CD36: variants seen among roughly 807,000 people sequenced by gnomAD.
CD36 encodes the protein CD36 molecule (CD36 blood group).
A neutral mutation model predicts 55.2 loss-of-function variants in CD36; 119 were observed. The observed-to-expected ratio is 2.15, with a 90% confidence interval of 1.86 to 2.51. The LOEUF (loss-of-function observed/expected upper bound fraction) is 2.51. CD36 is among the 30% of genes most tolerant of loss of function. The pLI, the probability that CD36 is intolerant of heterozygous loss-of-function variation, is 0.00. For missense variants in CD36, 819 were observed against 555.5 expected, an observed-to-expected ratio of 1.47 and a Z score of -4.77; for synonymous variants, 186 against 193.6, an observed-to-expected ratio of 0.96 and a Z score of 0.33.
At chr7:80,618,122 C>T (rs1233353477) in intron 1 of CD36, among the ~76,000 whole-genome samples, 3 of 151,996 alleles carry the variant, frequency 2.0e-5, no homozygotes, top group Non-Finnish European at 2.9e-5. Flanking sequence ...TATATTTAGA[C>T]CCTGCATTCA....
chr7:80,670,311 G>A (rs1232446392), intron 9 of CD36: 2 of 413,702 alleles, frequency 4.8e-6, no homozygotes, highest in South Asian at 2.2e-5. Flanking sequence ...AGAAGATGAT[G>A]CAAATGTAAC....
chr7:80,645,267 G>T (rs925387964), intron 1 of CD36, among the ~76,000 whole-genome samples: 1 of 150,766 alleles, frequency 6.6e-6, no homozygotes, highest in African/African-American at 2.4e-5. Flanking sequence ...TGATCCACCC[G>T]CCTCAGCCTT....
At position 80,672,767 on chromosome 7, in the gene CD36, T is replaced by G. The variant is rs995362799; in HGVS notation, c.1126-3T>G. The G allele has an allele frequency of 5.6e-6, 9 of 1,599,630 alleles. No homozygotes were observed. The highest frequency in any genetic ancestry group is 3.6e-4 in the Middle Eastern group (2 of 5,606). On this transcript the variant is annotated splice_region_variant and splice_polypyrimidine_tract_variant and intron_variant, in intron 11 of 14. Transcript: ENST00000447544. ...GGTAATTATTTAGTTGTTCTCTTTT[T>G]AGATAACTGGATTCACTTTACAATT...
At chr7:80,619,545 G>T in intron 1 of CD36, among the ~76,000 whole-genome samples, 1 of 151,570 alleles carries the variant, frequency 6.6e-6, no homozygotes, top group East Asian at 2.0e-4. Flanking sequence ...TACTCGAGAG[G>T]CTGAGGCAGG....
In CD36 at chr7:80,615,501, CT is replaced by C. The variant is rs557144205; in HGVS notation, c.-184+13124del. ...TCTGCTTCTATTGCCCTTTTTCCAT[CT>C]TCTGTGATTAGAAAATATCTATTCA... On this transcript the variant is annotated intron_variant, in intron 1 of 13. Coordinates refer to the CD36 transcript ENST00000309881. Among the ~76,000 whole-genome samples, 814 of 152,216 alleles carry C rather than the reference CT, an allele frequency of 5.3e-3. 2 individuals carry two copies. Among genetic ancestry groups the C allele is most frequent in the African/African-American group, 0.018 (760 of 41,532 alleles).
chr7:80,634,462 A>C (rs1794267906), upstream of CD36, among the ~76,000 whole-genome samples: 1 of 152,128 alleles, frequency 6.6e-6, no homozygotes, highest in African/African-American at 2.4e-5. Context: ...TACATTTTAA[A>C]GTTTAAATCT....
chr7:80,632,085 C>T (rs1270319660), intron 1 of CD36, among the ~76,000 whole-genome samples: 7 of 151,500 alleles, frequency 4.6e-5, no homozygotes, highest in South Asian at 2.1e-4. Flanking sequence ...CAAAACCTTC[C>T]CTTAAGGTTT....
upstream of CD36, among the ~76,000 whole-genome samples, chr7:80,635,954 T>C (rs1370728563): frequency 6.6e-6 from 1 of 152,080 alleles, no homozygotes; most frequent in African/African-American, 2.4e-5. Context: ...AGGGGTTCAG[T>C]GGTGAATTAA....
chr7:80,603,806 A>G (rs1159304383), intron 1 of CD36, among the ~76,000 whole-genome samples: 1 of 151,560 alleles, frequency 6.6e-6, no homozygotes, highest in Admixed American at 6.6e-5. Context: ...ACTGCTGAGA[A>G]ATGATTGAAA....
At chr7:80,612,061 G>A (rs1792904084) in intron 1 of CD36, among the ~76,000 whole-genome samples, 1 of 152,222 alleles carries the variant, frequency 6.6e-6, no homozygotes, top group African/African-American at 2.4e-5. Flanking sequence ...GCAAGACCTA[G>A]CTAATAATAT....
chr7:80,657,855 T>C (rs1291318521), intron 4 of CD36, among the ~76,000 whole-genome samples: 1 of 152,236 alleles, frequency 6.6e-6, no homozygotes, highest in Non-Finnish European at 1.5e-5. Flanking sequence ...TCACAAAGTT[T>C]TGTATTTCTA....
chr7:80,665,126 A>C (rs1403551545), intron 7 of CD36, among the ~76,000 whole-genome samples: 2 of 152,148 alleles, frequency 1.3e-5, no homozygotes, highest in Admixed American at 6.5e-5. Flanking sequence ...ATGTAAATAC[A>C]AAATGTGAAA....
chr7:80,616,441 G>T (rs1793158821), intron 1 of CD36, among the ~76,000 whole-genome samples: 1 of 122,794 alleles, frequency 8.1e-6, no homozygotes, highest in Non-Finnish European at 1.7e-5. Flanking sequence ...GTGTGTGTGT[G>T]TGTGTGTGCC....
intron 14 of CD36, among the ~76,000 whole-genome samples, chr7:80,674,632 T>A (rs1240479278): frequency 6.6e-6 from 1 of 152,082 alleles, no homozygotes; most frequent in Non-Finnish European, 1.5e-5. Flanking sequence ...TAGAACCAAG[T>A]ACTCAGAGTG....
intron 1 of CD36, among the ~76,000 whole-genome samples, chr7:80,615,083 C>A (rs1300907070): frequency 6.6e-6 from 1 of 152,110 alleles, no homozygotes; most frequent in African/African-American, 2.4e-5. Context: ...CCACTACAAA[C>A]TGCAAGCACA....
Position 80,661,184 on chromosome 7 carries a change from T to C in CD36, c.403T>C (p.Phe135Leu), listed in dbSNP as rs140968958. 2.4e-4 allele frequency: 391 copies of C among 1,613,930 alleles called. No individual in the cohort carries two copies. The highest frequency in any genetic ancestry group is 3.3e-4 in the Middle Eastern group (2 of 6,082). Residue 135 changes from phenylalanine to leucine, a missense_variant, in exon 5 of 15, where the codon TTC (phenylalanine) becomes CTC (leucine). By Grantham distance (22) the Phe-to-Leu change is conservative. Coordinates refer to ENST00000447544, the MANE Select transcript of CD36 (RefSeq NM_001001548.3). ...ATCAGTTGGAACAGAGGCTGACAAC[T>C]TCACAGTTCTCAATCTGGCTGTGGC... Reference protein sequence around the residue: ...SLSVGTEADNFTVLNLAVAAA... With the variant: ...SLSVGTEADNLTVLNLAVAAA...
intron 14 of CD36, chr7:80,674,560 TC>T (rs1204210570): frequency 4.2e-6 from 1 of 239,138 alleles, no homozygotes; most frequent in Non-Finnish European, 8.2e-6. Flanking sequence ...TCCAGAAAAG[TC>T]CTGAACAAAA....
In CD36 at chr7:80,656,581, G is replaced by C. The variant is rs534577878; in HGVS notation, c.162G>C (p.Trp54Cys). ...LEEGTIAFKN[W>C]VKTGTEVYRQ... is the part of the protein sequence containing the mutation. Reference sequence around the variant, plus strand: ...AAGGTACAATTGCTTTTAAAAATTGGGTTAAAACAGGCACAGAAGTTTACA... The same window carrying C: ...AAGGTACAATTGCTTTTAAAAATTGCGTTAAAACAGGCACAGAAGTTTACA... The change falls in exon 4 of 15, where the codon TGG (tryptophan) becomes TGC (cysteine). Residue 54 changes from tryptophan to cysteine, a missense_variant. Trp to Cys is a radical substitution (Grantham distance 215). Transcript: ENST00000447544. 1 of 1,613,646 alleles carries C rather than the reference G, an allele frequency of 6.2e-7. No individual in the cohort carries two copies. Among genetic ancestry groups the C allele is most frequent in the African/African-American group, 1.3e-5 (1 of 74,994 alleles).
chr7:80,675,958 G>C (rs1457189102), intron 14 of CD36: 1 of 128,920 alleles, frequency 7.8e-6, no homozygotes, highest in Non-Finnish European at 1.8e-5. Flanking sequence ...GTGTGTGCTT[G>C]TCTTGAAGCA....
Sources: gnomAD v4.1 joint callset for allele counts (sites outside exome capture counted in the v4.1 genomes callset) on GRCh38, gnomAD v4.1.1 for gene constraint, MANE v1.5 for transcripts, NCBI Gene and HGNC (gene_info 2026-07-23, HGNC 2026-07-21) for gene names.